The following RPS6KA2 variants were observed in gnomAD, a reference collection of about 807,000 sequenced individuals.
The protein encoded by RPS6KA2 is ribosomal protein S6 kinase alpha-2.
A neutral mutation model predicts 91.8 loss-of-function variants in RPS6KA2; 42 were observed. That is an observed-to-expected ratio of 0.46 (90% confidence interval 0.36 to 0.59). The LOEUF (loss-of-function observed/expected upper bound fraction) is 0.59, where lower values mean the gene tolerates loss of function less well. Ranked by LOEUF, RPS6KA2 falls within the 20% of genes least tolerant of loss-of-function variation. The pLI is 0.00. For synonymous variants in RPS6KA2, 414 were observed against 393.6 expected (o/e 1.05, Z -0.61); for missense variants, 798 against 978.5 (o/e 0.82, Z 2.46).
chr6:166,862,506 T>C (rs1781072034), exon 1 of RPS6KA2: 1 of 518,288 alleles, frequency 1.9e-6, no homozygotes, highest in Non-Finnish European at 3.0e-6. Flanking sequence ...TCGGAATCTG[T>C]ACTGCGACTT....
At chr6:166,709,355 A>C (rs1239908547) in intron 2 of RPS6KA2, among the ~76,000 whole-genome samples, 22 of 149,024 alleles carry the variant, frequency 1.5e-4, no homozygotes, top group African/African-American at 5.2e-4. Context: ...GGGCTGAGTA[A>C]GTTGGCTCAC....
chr6:166,824,361 G>C (rs890621408), intron 2 of RPS6KA2, among the ~76,000 whole-genome samples: 1 of 152,208 alleles, frequency 6.6e-6, no homozygotes, highest in Admixed American at 6.5e-5. Flanking sequence ...ATAGCAGCCT[G>C]TCCCCCTGGT....
chr6:166,777,314 A>G (rs900089198), intron 2 of RPS6KA2, among the ~76,000 whole-genome samples: 4 of 152,212 alleles, frequency 2.6e-5, no homozygotes, highest in African/African-American at 9.7e-5. Flanking sequence ...CATAATGACA[A>G]GGGTGGCTCA....
chr6:166,617,048 C>A (rs562060166), intron 1 of RPS6KA2, among the ~76,000 whole-genome samples: 3 of 152,336 alleles, frequency 2.0e-5, no homozygotes, highest in African/African-American at 7.2e-5. Context: ...AGGTGCCGGG[C>A]GCCCGCTCCA....
intron 2 of RPS6KA2, chr6:166,701,276 C>T (rs746569355): frequency 1.2e-6 from 2 of 1,612,284 alleles, no homozygotes; most frequent in East Asian, 2.2e-5. Context: ...ACAACAACTT[C>T]TGCACTTGAC....
rs1467805410 is a variant in RPS6KA2 at position 166,508,804 on chromosome 6, A to G, written c.380-522T>C. Among the ~76,000 whole-genome samples, 4 of 152,158 alleles carry G rather than the reference A, an allele frequency of 2.6e-5. No homozygotes were observed. The East Asian group carries it at 7.7e-4, about 29-fold the overall frequency. On this transcript the variant is annotated intron_variant, in intron 4 of 20. Coordinates refer to ENST00000265678, the MANE Select transcript of RPS6KA2 (RefSeq NM_021135.6). This position sits in a 1 kb window ranked among gnomAD's most constrained non-coding sequence, Gnocchi z 4.3. ...TCAGCCCAGTTATTTGAACATCAAC[A>G]ATGGGGCTCACGTCCTAGGTCTGGT...
chr6:166,721,370 G>A (rs1175930056), intron 2 of RPS6KA2, among the ~76,000 whole-genome samples: 3 of 152,170 alleles, frequency 2.0e-5, no homozygotes, highest in East Asian at 1.9e-4. Context: ...GCCAGGACCC[G>A]GGAGCACAGG....
At chr6:166,691,097 C>G (rs114035591) in intron 2 of RPS6KA2, among the ~76,000 whole-genome samples, 1 of 152,130 alleles carries the variant, frequency 6.6e-6, no homozygotes, top group Non-Finnish European at 1.5e-5. Context: ...AAGATTCAAG[C>G]GTTGCCAACT....
rs1442848099 is a variant in RPS6KA2, at chr6:166,508,563, T to C, written c.380-281A>G. On this transcript the variant is annotated intron_variant, in intron 4 of 20. Coordinates refer to ENST00000265678, the MANE Select transcript of RPS6KA2 (RefSeq NM_021135.6). This position sits in a 1 kb window ranked among gnomAD's most constrained non-coding sequence, Gnocchi z 4.3. ...CTCCCTTTTTTAATCACAAAGGAAT[T>C]GAAAGATACACGGGGAGAAAGATGT... Among the ~76,000 whole-genome samples the C allele has an allele frequency of 6.6e-6, 1 of 152,144 alleles. No homozygotes were observed. The highest frequency in any genetic ancestry group is 2.4e-5 in the African/African-American group (1 of 41,430).
chr6:166,692,661 C>T (rs1197768740), intron 2 of RPS6KA2, among the ~76,000 whole-genome samples: 3 of 152,114 alleles, frequency 2.0e-5, no homozygotes, highest in Admixed American at 1.3e-4. Flanking sequence ...AAATGTCATC[C>T]GTTATTATGC....
chr6:166,692,230 T>C (rs561621954), intron 2 of RPS6KA2, among the ~76,000 whole-genome samples: 1 of 151,926 alleles, frequency 6.6e-6, no homozygotes, highest in East Asian at 1.9e-4. Context: ...AGTGAGGCGA[T>C]AGAGAGAAAA....
chr6:166,773,906 T>G (rs531664615), intron 2 of RPS6KA2, among the ~76,000 whole-genome samples: 2 of 152,388 alleles, frequency 1.3e-5, no homozygotes, highest in East Asian at 3.9e-4. Context: ...ACTTGTCATA[T>G]AGCCAAGCAT....
rs1200335820 is a variant in RPS6KA2, at chr6:166,438,872, T to A, written c.1333-6382A>T. 4.6e-5 allele frequency among the ~76,000 whole-genome samples: 7 copies of A among 152,236 alleles called. No homozygotes were observed. The East Asian group carries it at 1.3e-3, about 29-fold the overall frequency. ...CTGTGAGCTCCCTGGAGCAGGTTTGTGTTCTCACCTTGCCCTGCGTCTGTT... is the reference window on the plus strand; with the variant it reads ...CTGTGAGCTCCCTGGAGCAGGTTTGAGTTCTCACCTTGCCCTGCGTCTGTT... On this transcript the variant is annotated intron_variant, in intron 14 of 20. Transcript: ENST00000265678.
At chr6:166,731,307 G>T (rs557104723) in intron 2 of RPS6KA2, among the ~76,000 whole-genome samples, 1 of 152,172 alleles carries the variant, frequency 6.6e-6, no homozygotes, top group South Asian at 2.1e-4. Flanking sequence ...AAGTATGTTC[G>T]TTGGGCCCTA....
At chr6:166,504,820 G>A (rs776625645) in intron 5 of RPS6KA2, among the ~76,000 whole-genome samples, 6 of 152,108 alleles carry the variant, frequency 3.9e-5, no homozygotes, top group Admixed American at 1.3e-4. Flanking sequence ...GGATGGAGAC[G>A]AGGGCTTCCT....
At chr6:166,521,994 T>G (rs1172345443) in intron 3 of RPS6KA2, among the ~76,000 whole-genome samples, 3 of 152,004 alleles carry the variant, frequency 2.0e-5, no homozygotes, top group Non-Finnish European at 4.4e-5. Flanking sequence ...TTCCATCAAG[T>G]GAGGACACAG....
At chr6:166,499,997 T>A (rs9457173) in intron 7 of RPS6KA2, among the ~76,000 whole-genome samples, 1 of 152,050 alleles carries the variant, frequency 6.6e-6, no homozygotes, top group Non-Finnish European at 1.5e-5. Flanking sequence ...CCAACACCAT[T>A]GCAAGGGTCT....
intron 2 of RPS6KA2, among the ~76,000 whole-genome samples, chr6:166,687,644 G>A (rs1290189406): frequency 6.6e-6 from 1 of 152,234 alleles, no homozygotes; most frequent in Admixed American, 6.5e-5. Context: ...CAGGAATCCA[G>A]TCATTTTAAT....
chr6:166,667,980 C>T (rs1170016873), intron 2 of RPS6KA2, among the ~76,000 whole-genome samples: 9 of 152,140 alleles, frequency 5.9e-5, no homozygotes, highest in Admixed American at 4.6e-4. Flanking sequence ...GAGCACAGCC[C>T]GCACACAGCG....
Sources: gnomAD v4.1 joint callset for allele counts (sites outside exome capture counted in the v4.1 genomes callset) on GRCh38, gnomAD v4.1.1 for gene constraint, Gnocchi (gnomAD v3.1) non-coding constraint, MANE v1.5 for transcripts, NCBI Gene and HGNC (gene_info 2026-07-23, HGNC 2026-07-21) for gene names.